ZNF892: variants seen among roughly 807,000 people sequenced by gnomAD.
ZNF892 encodes zinc finger protein 892, also known as zinc finger protein 570-like.
the ZNF892 span, among the ~76,000 whole-genome samples, chr2:95,209,434 G>A: frequency 2.0e-5 from 3 of 152,116 alleles, no homozygotes; most frequent in Admixed American, 1.3e-4. Flanking sequence ...GCCTCATGAA[G>A]GTTTTTAGAG....
chr2:95,211,866 G>C, the ZNF892 span: 4 of 396,678 alleles, frequency 1.0e-5, no homozygotes, highest in Admixed American at 4.4e-5. Flanking sequence ...TTTGTTTCTG[G>C]ATATAGTTTT....
the ZNF892 span, among the ~76,000 whole-genome samples, chr2:95,250,773 A>G: frequency 5.5e-5 from 8 of 145,462 alleles, no homozygotes; most frequent in African/African-American, 1.7e-4. Flanking sequence ...ATTTATCATA[A>G]ATTATAAATT....
the ZNF892 span, among the ~76,000 whole-genome samples, chr2:95,216,549 T>C: frequency 5.9e-5 from 9 of 152,232 alleles, no homozygotes; most frequent in African/African-American, 1.7e-4. Flanking sequence ...TATTAGATTA[T>C]GAAAAACTTG....
At chr2:95,219,252 C>G in the ZNF892 span, among the ~76,000 whole-genome samples, 1 of 151,908 alleles carries the variant, frequency 6.6e-6, no homozygotes, top group Non-Finnish European at 1.5e-5. Flanking sequence ...ATGATCCGCC[C>G]GCTTCGGCCT....
chr2:95,206,405 T>G, the ZNF892 span, among the ~76,000 whole-genome samples: 3 of 152,042 alleles, frequency 2.0e-5, no homozygotes, highest in South Asian at 2.1e-4. Flanking sequence ...CGGCTAAAGC[T>G]CAAAATTCTT....
At chr2:95,207,569 G>A in the ZNF892 span, 1 of 378,254 alleles carries the variant, frequency 2.6e-6, no homozygotes, top group African/African-American at 2.1e-5. Flanking sequence ...CCGGCTGTTA[G>A]ATGCCTTTGT....
At chr2:95,234,013 G>A in the ZNF892 span, among the ~76,000 whole-genome samples, 5 of 152,176 alleles carry the variant, frequency 3.3e-5, no homozygotes, top group Non-Finnish European at 5.9e-5. Context: ...TCAGTTTTGT[G>A]AAATATGTGT....
the ZNF892 span, among the ~76,000 whole-genome samples, chr2:95,236,366 C>T: frequency 6.6e-6 from 1 of 152,162 alleles, no homozygotes; most frequent in Non-Finnish European, 1.5e-5. Flanking sequence ...GTATAGATAG[C>T]TTAAGAGAAA....
At chr2:95,224,790 G>A in the ZNF892 span, among the ~76,000 whole-genome samples, 1 of 152,214 alleles carries the variant, frequency 6.6e-6, no homozygotes, top group Non-Finnish European at 1.5e-5. Flanking sequence ...AGGGCCTAAT[G>A]GGAGGTCAAT....
At chr2:95,248,355 A>C in the ZNF892 span, among the ~76,000 whole-genome samples, 1 of 152,126 alleles carries the variant, frequency 6.6e-6, no homozygotes, top group African/African-American at 2.4e-5. Flanking sequence ...AAGTGGGGAG[A>C]GAGAGGCAAG....
the ZNF892 span, among the ~76,000 whole-genome samples, chr2:95,249,209 GTATA>G: frequency 0.021 from 1,499 of 71,280 alleles, 30 homozygotes; most frequent in Non-Finnish European, 0.03. Flanking sequence ...ATATATGTAT[GTATA>G]TATATATATA....
At chr2:95,252,355 G>A in the ZNF892 span, among the ~76,000 whole-genome samples, 1 of 151,222 alleles carries the variant, frequency 6.6e-6, no homozygotes, top group African/African-American at 2.4e-5. Flanking sequence ...TTGTCCTTGT[G>A]AGAGTTTGCT....
the ZNF892 span, among the ~76,000 whole-genome samples, chr2:95,206,603 A>C: frequency 7.2e-5 from 11 of 152,266 alleles, no homozygotes; most frequent in Non-Finnish European, 1.6e-4. Flanking sequence ...CAAGGCTTTA[A>C]ATCTTTCATT....
chr2:95,226,940 G>A, the ZNF892 span, among the ~76,000 whole-genome samples: 1 of 152,200 alleles, frequency 6.6e-6, no homozygotes, highest in South Asian at 2.1e-4. Context: ...GTCCCAGGGA[G>A]TTAAGAGTAG....
chr2:95,209,168 A>AC, the ZNF892 span, among the ~76,000 whole-genome samples: 1 of 152,212 alleles, frequency 6.6e-6, no homozygotes, highest in Non-Finnish European at 1.5e-5. Flanking sequence ...GAAGTGTGGG[A>AC]TAAATCTGTA....
chr2:95,217,915 A>G, the ZNF892 span, among the ~76,000 whole-genome samples: 32 of 152,306 alleles, frequency 2.1e-4, no homozygotes, highest in Middle Eastern at 0.014. Context: ...GGCATCCCCA[A>G]TGGTCTCTGA....
the ZNF892 span, among the ~76,000 whole-genome samples, chr2:95,244,397 A>G: frequency 6.6e-6 from 1 of 152,346 alleles, no homozygotes; most frequent in Admixed American, 6.5e-5. Context: ...AGGGGTTGCA[A>G]TCCTAGTTGC....
At chr2:95,242,434 A>C in the ZNF892 span, among the ~76,000 whole-genome samples, 9 of 152,224 alleles carry the variant, frequency 5.9e-5, no homozygotes, top group Admixed American at 1.3e-4. Context: ...TTTTCAGACA[A>C]ACAAATGCTG....
chr2:95,236,336 A>G, the ZNF892 span, among the ~76,000 whole-genome samples: 1 of 152,252 alleles, frequency 6.6e-6, no homozygotes, highest in Non-Finnish European at 1.5e-5. Context: ...CAAAGGTATA[A>G]TTTACCAGAC....
Sources: gnomAD v4.1 joint callset for allele counts (sites outside exome capture counted in the v4.1 genomes callset) on GRCh38, gnomAD v4.1.1 for gene constraint, MANE v1.5 for transcripts, NCBI Gene and HGNC (gene_info 2026-07-23, HGNC 2026-07-21) for gene names.